Variants in NXPE2 observed in about 807,000 individuals in gnomAD.
NXPE2 encodes NXPE family member 2.
A neutral mutation model predicts 34.4 loss-of-function variants in NXPE2; 34 were observed. The ratio of observed to expected loss-of-function variants is 0.99; its 90% CI spans 0.75 to 1.31. The LOEUF is 1.31. NXPE2 is among the 40% of genes most tolerant of loss of function. The pLI is 0.00. For missense variants in NXPE2, 649 were observed against 672.5 expected (o/e 0.97, Z 0.39); for synonymous variants, 235 against 231.3 (o/e 1.02, Z -0.15).
chr11:114,553,515 A>G, the NXPE2 span, among the ~76,000 whole-genome samples: 1 of 152,176 alleles, frequency 6.6e-6, no homozygotes, highest in Non-Finnish European at 1.5e-5. Context: ...CTGATGGCAG[A>G]GTTTTGGAAA....
the NXPE2 span, among the ~76,000 whole-genome samples, chr11:114,733,757 C>T: frequency 5.9e-5 from 9 of 152,164 alleles, no homozygotes; most frequent in Non-Finnish European, 1.2e-4. Flanking sequence ...TAACCACTCA[C>T]CTAGATGTTT....
the NXPE2 span, among the ~76,000 whole-genome samples, chr11:114,626,354 G>A: frequency 6.6e-6 from 1 of 152,242 alleles, no homozygotes. Flanking sequence ...GCCTCCTCAA[G>A]TGGGTCCCTG....
At chr11:114,540,298 G>C in the NXPE2 span, among the ~76,000 whole-genome samples, 2 of 152,140 alleles carry the variant, frequency 1.3e-5, no homozygotes, top group South Asian at 4.1e-4. Context: ...GTTAAACTTT[G>C]TATATTCATA....
At chr11:114,796,107 C>A in the NXPE2 span, among the ~76,000 whole-genome samples, 1 of 152,294 alleles carries the variant, frequency 6.6e-6, no homozygotes, top group African/African-American at 2.4e-5. Flanking sequence ...GTTTGCTGGG[C>A]AGATTCTCAA....
the NXPE2 span, among the ~76,000 whole-genome samples, chr11:114,473,224 C>T: frequency 2.0e-5 from 3 of 152,170 alleles, no homozygotes; most frequent in Non-Finnish European, 4.4e-5. Flanking sequence ...TTTCTTGCCT[C>T]CTTGCTGAGA....
chr11:114,807,043 T>C, the NXPE2 span, among the ~76,000 whole-genome samples: 1 of 151,924 alleles, frequency 6.6e-6, no homozygotes, highest in Non-Finnish European at 1.5e-5. Flanking sequence ...TATTCAAAAT[T>C]CTTAAAGAAA....
chr11:114,611,789 A>G, the NXPE2 span, among the ~76,000 whole-genome samples: 4 of 151,882 alleles, frequency 2.6e-5, no homozygotes, highest in African/African-American at 9.7e-5. Flanking sequence ...CCGGTGGATA[A>G]TAAGTGTTGC....
At chr11:114,539,835 TA>T in the NXPE2 span, among the ~76,000 whole-genome samples, 2 of 152,146 alleles carry the variant, frequency 1.3e-5, no homozygotes, top group South Asian at 4.1e-4. Flanking sequence ...AGGTTAATGG[TA>T]CCATCAGAAA....
chr11:114,491,840 A>T, the NXPE2 span, among the ~76,000 whole-genome samples: 8 of 152,230 alleles, frequency 5.3e-5, no homozygotes, highest in Non-Finnish European at 7.4e-5. Context: ...TAAAAAATGA[A>T]GAGTTCATGT....
At chr11:114,628,723 G>A in the NXPE2 span, among the ~76,000 whole-genome samples, 4 of 150,802 alleles carry the variant, frequency 2.7e-5, no homozygotes, top group African/African-American at 9.8e-5. Flanking sequence ...AAAAATTAAC[G>A]AATCCAGGAG....
At chr11:114,469,368 C>T in the NXPE2 span, among the ~76,000 whole-genome samples, 1 of 151,292 alleles carries the variant, frequency 6.6e-6, no homozygotes, top group African/African-American at 2.4e-5. Context: ...CTGCCTCAGC[C>T]TCCCAAAGTG....
chr11:114,650,504 C>A, the NXPE2 span, among the ~76,000 whole-genome samples: 2 of 152,184 alleles, frequency 1.3e-5, no homozygotes, highest in South Asian at 4.1e-4. Context: ...GCATAAAGCC[C>A]TGGCCTTAAG....
chr11:114,601,874 TTA>T, the NXPE2 span, among the ~76,000 whole-genome samples: 14 of 3,770 alleles, frequency 3.7e-3, no homozygotes, highest in East Asian at 0.17. Flanking sequence ...ATTATATATA[TTA>T]TATATAATTA....
chr11:114,630,884 A>C, the NXPE2 span, among the ~76,000 whole-genome samples: 2 of 151,902 alleles, frequency 1.3e-5, no homozygotes, highest in African/African-American at 4.8e-5. Context: ...GACACTTCTT[A>C]AAAGAAGACA....
chr11:114,470,544 T>C, the NXPE2 span, among the ~76,000 whole-genome samples: 1 of 151,730 alleles, frequency 6.6e-6, no homozygotes, highest in Admixed American at 6.6e-5. Flanking sequence ...TTTAAAAAAT[T>C]GGGTGTATAA....
intron 2 of NXPE2, among the ~76,000 whole-genome samples, chr11:114,693,865 C>T (rs1022724284): frequency 1.3e-5 from 2 of 152,158 alleles, no homozygotes; most frequent in African/African-American, 4.8e-5. Flanking sequence ...GCTGCTATAA[C>T]AAATTACCAC....
chr11:114,582,849 T>G, the NXPE2 span: 1 of 1,614,144 alleles, frequency 6.2e-7, no homozygotes, highest in Non-Finnish European at 8.5e-7. Flanking sequence ...GGTGTTCACG[T>G]GGGTGAAAGG....
chr11:114,786,919 C>G, the NXPE2 span, among the ~76,000 whole-genome samples: 4 of 152,178 alleles, frequency 2.6e-5, no homozygotes, highest in Admixed American at 2.6e-4. Context: ...CCACATTGCA[C>G]TCTGGTCCAT....
the NXPE2 span, among the ~76,000 whole-genome samples, chr11:114,605,254 G>A: frequency 6.6e-6 from 1 of 151,900 alleles, no homozygotes; most frequent in African/African-American, 2.4e-5. Context: ...AATAAGTACA[G>A]CCTCGTGGGA....
Sources: allele counts gnomAD v4.1 joint callset (sites outside exome capture counted in the v4.1 genomes callset), GRCh38; gene constraint gnomAD v4.1.1; transcripts MANE v1.5; gene names NCBI Gene and HGNC (gene_info 2026-07-23, HGNC 2026-07-21).